The following SGSM1 variants were observed in gnomAD, a reference collection of about 807,000 sequenced individuals.
The protein encoded by SGSM1 is small G protein signaling modulator 1, also known as RUN and TBC1 domain containing 2.
Under a neutral mutation model 133.8 loss-of-function variants are expected in SGSM1, and 73 were observed. The observed-to-expected ratio is 0.55, with a 90% CI of 0.45 to 0.66. The LOEUF (loss-of-function observed/expected upper bound fraction) is 0.66, where lower values mean the gene tolerates loss of function less well. Ranked by LOEUF, SGSM1 falls within the 30% of genes least tolerant of loss-of-function variation. The pLI is 0.00. For synonymous variants in SGSM1, 563 were observed against 573.0 expected (o/e 0.98, Z 0.25); for missense variants, 1,213 against 1,448.1 (o/e 0.84, Z 2.64).
chr22:24,878,748 A>G (rs1932162932), intron 13 of SGSM1, among the ~76,000 whole-genome samples: 1 of 152,168 alleles, frequency 6.6e-6, no homozygotes, highest in African/African-American at 2.4e-5. Flanking sequence ...TTGAGGCATC[A>G]CCTACTTAGC....
In SGSM1 at chr22:24,901,846, A is replaced by G; in HGVS notation, c.2624A>G (p.Asp875Gly). The G allele has an allele frequency of 6.2e-7, 1 of 1,613,016 alleles. No individual in the cohort carries two copies. The highest frequency in any genetic ancestry group is 8.5e-7 in the Non-Finnish European group (1 of 1,179,590). Reference sequence around the variant, plus strand: ...GATGGCCTATAGCCAGAGCTGCTGGATCTGTACACGGTGAACCTGCACCGC... The same window carrying G: ...GATGGCCTATAGCCAGAGCTGCTGGGTCTGTACACGGTGAACCTGCACCGC... Reference protein sequence around the residue: ...SGVTYSPELLDLYTVNLHRIE... With the variant: ...SGVTYSPELLGLYTVNLHRIE... Residue 875 changes from aspartate (D) to glycine (G), a missense_variant, in exon 20 of 25, where the codon GAT becomes GGT. Coordinates refer to ENST00000400358, the MANE Select transcript of SGSM1 (RefSeq NM_001098497.3).
chr22:24,903,969 T>A (rs1933262158), intron 20 of SGSM1, among the ~76,000 whole-genome samples: 2 of 115,068 alleles, frequency 1.7e-5, no homozygotes, highest in African/African-American at 3.7e-5. Context: ...CAAAACTCTG[T>A]CTCAACAAAA....
intron 20 of SGSM1, 38 bp from the exon 21 acceptor site, chr22:24,905,067 C>A: frequency 1.3e-6 from 2 of 1,589,378 alleles, no homozygotes; most frequent in Non-Finnish European, 1.7e-6. Context: ...GAGAGGCAGG[C>A]CACGGCTGCC....
chr22:24,924,302 C>G lies in SGSM1; in HGVS notation c.*28C>G, dbSNP rs1258089305. 1 of 1,589,542 alleles carries G rather than the reference C, an allele frequency of 6.3e-7. No homozygotes were observed. Among genetic ancestry groups the G allele is most frequent in the East Asian group, 2.2e-5 (1 of 44,730 alleles). ...GGCACCTCACCCCGGCAGCCTCAGC[C>G]AAGCTGCCCCTGCCCCGCTCCTCTG... On this transcript the variant is annotated 3_prime_UTR_variant, in exon 25 of 25. Transcript: ENST00000400358.
At chr22:24,880,930 C>T (rs1381178724) in intron 14 of SGSM1, among the ~76,000 whole-genome samples, 1 of 152,198 alleles carries the variant, frequency 6.6e-6, no homozygotes, top group Non-Finnish European at 1.5e-5. Context: ...GTGGCTTGCG[C>T]CTATAATCCC....
intron 23 of SGSM1, among the ~76,000 whole-genome samples, chr22:24,918,929 C>G (rs1193185758): frequency 1.3e-5 from 2 of 151,596 alleles, no homozygotes; most frequent in African/African-American, 2.4e-5. Flanking sequence ...TTAGTAGAGG[C>G]AGGTTTCACC....
intron 2 of SGSM1, among the ~76,000 whole-genome samples, chr22:24,808,115 GTTTT>G (rs532530317): frequency 1.5e-5 from 2 of 130,946 alleles, no homozygotes; most frequent in African/African-American, 6.0e-5. Context: ...TTTTCTTGGT[GTTTT>G]TTTTTTTTTT....
intron 2 of SGSM1, among the ~76,000 whole-genome samples, chr22:24,837,590 C>CTG (rs1555922725): frequency 2.9e-5 from 4 of 137,004 alleles, no homozygotes; most frequent in African/African-American, 9.3e-5. Context: ...CCCCCCCCCC[C>CTG]CTTTCCCAGT....
chr22:24,831,570 G>A (rs1044345303), intron 2 of SGSM1, among the ~76,000 whole-genome samples: 9 of 152,162 alleles, frequency 5.9e-5, no homozygotes, highest in East Asian at 3.9e-4. Context: ...AAATTTGGCC[G>A]AGGAGCCTGG....
rs1329283911 is a variant in SGSM1 at position 24,926,341 on chromosome 22, A to ACC, written c.*2071_*2072dup. 1 of 151,278 alleles carries ACC rather than the reference A, an allele frequency of 6.6e-6. No homozygotes were observed. Among genetic ancestry groups the ACC allele is most frequent in the Admixed American group, 6.6e-5 (1 of 15,138 alleles). 9.4% of individuals were successfully genotyped at this position (151,278 alleles called of 1,614,324 possible). ...CTTCCCGGCTCCCAGCTCCTACCCT[A>ACC]CCCCCACCAAAGCAGAAACGGGAGA... On this transcript the variant is annotated 3_prime_UTR_variant, in exon 25 of 25. Transcript: ENST00000400358.
chr22:24,922,698 G>A lies in SGSM1; in HGVS notation c.3194-1488G>A, dbSNP rs184118516. On this transcript the variant is annotated intron_variant, in intron 24 of 24. Coordinates refer to ENST00000400358, the MANE Select transcript of SGSM1 (RefSeq NM_001098497.3). Reference sequence around the variant, plus strand: ...TCACCATGTTAGCCAGGATGGTCTCGATCTCCTGACCTCATGATCCACCCG... The same window carrying A: ...TCACCATGTTAGCCAGGATGGTCTCAATCTCCTGACCTCATGATCCACCCG... Among the ~76,000 whole-genome samples, 467 of 151,818 alleles carry A rather than the reference G, an allele frequency of 3.1e-3. 2 individuals are homozygous for A. The highest frequency in any genetic ancestry group is 0.011 in the African/African-American group (441 of 41,400).
chr22:24,884,262 T>C (rs755026271), intron 15 of SGSM1, 64 bp downstream of exon 15: 65 of 1,539,562 alleles, frequency 4.2e-5, no homozygotes, highest in Non-Finnish European at 5.1e-5. Flanking sequence ...TCTTATTATC[T>C]GAGAAATAAG....
At chr22:24,878,058 A>G (rs9917614) in intron 13 of SGSM1, among the ~76,000 whole-genome samples, 12,506 of 151,820 alleles carry the variant, frequency 0.082, 1,125 homozygotes, top group African/African-American at 0.23. Flanking sequence ...TGATCCGCCC[A>G]CCTTGGCCTC....
At chr22:24,895,124 G>C in intron 17 of SGSM1, 99 bp from the exon 18 acceptor site, 1 of 1,176,228 alleles carries the variant, frequency 8.5e-7, no homozygotes, top group Non-Finnish European at 1.2e-6. Context: ...TAGGAATAGA[G>C]ATGCAACTAG....
intron 14 of SGSM1, among the ~76,000 whole-genome samples, chr22:24,882,887 TTTC>T (rs1341125992): frequency 6.8e-6 from 1 of 148,046 alleles, no homozygotes; most frequent in Non-Finnish European, 1.5e-5. Context: ...TATACCACGG[TTTC>T]TTTTTTTTTT....
chr22:24,847,662 G>C lies in SGSM1; in HGVS notation c.168G>C (p.Gly56=). 1.9e-6 allele frequency: 3 copies of C among 1,613,704 alleles called. No individual in the cohort carries two copies. The highest frequency in any genetic ancestry group is 2.5e-6 in the Non-Finnish European group (3 of 1,179,844). ...CTGTGGAGGCCTGCGTTCTGCACGGGCTTCGGCGGCGGGCGGCTGGCTTCC... is the reference window on the plus strand; with the variant it reads ...CTGTGGAGGCCTGCGTTCTGCACGGCCTTCGGCGGCGGGCGGCTGGCTTCC... ...CAAVEACVLH[G]LRRRAAGFLR... Residue 56 remains glycine, a synonymous_variant, in exon 4 of 25, where the codon GGG becomes GGC. Transcript: ENST00000400358.
chr22:24,856,134 C>T, intron 8 of SGSM1: 1 of 349,706 alleles, frequency 2.9e-6, no homozygotes, highest in Non-Finnish European at 5.7e-6. Flanking sequence ...TCTGTTCGCT[C>T]TTGTTCTCAC....
At position 24,898,437 on chromosome 22, in the gene SGSM1, A is replaced by G. The variant is rs745861489; in HGVS notation, c.2488A>G (p.Ser830Gly). The change falls in exon 19 of 25, where the codon AGT (serine) becomes GGT (glycine). Residue 830 changes from serine to glycine, a missense_variant. Coordinates refer to ENST00000400358, the MANE Select transcript of SGSM1 (RefSeq NM_001098497.3). ...GACAGAGAAACATGGCCAGGCGGAC[A>G]GTGAGGACAACCTCTCGGAGGAGCC... The part of the protein sequence containing the change: ...SETEKHGQAD[S>G]EDNLSEEPEM... 3.7e-6 allele frequency: 6 copies of G among 1,613,782 alleles called. No homozygotes were observed. The African/African-American group carries it at 4.0e-5, about 11-fold the overall frequency.
rs753644894 is a variant in SGSM1 at position 24,868,768 on chromosome 22, G to T, written c.1204G>T (p.Ala402Ser). ...GCGCAAGCGAAGCCCTCAGGGTTCT[G>T]CCGAGTCCACATCTTCAGACAAAGA... ...KLRKRSPQGS[A>S]ESTSSDKDDD... The change falls in exon 12 of 25, where the codon GCC (alanine) becomes TCC (serine). Residue 402 changes from alanine (A) to serine (S), a missense_variant. Transcript: ENST00000400358. 1.2e-5 allele frequency: 19 copies of T among 1,614,038 alleles called. No individual in the cohort carries two copies. Among genetic ancestry groups the T allele is most frequent in the Middle Eastern group, 3.3e-4 (2 of 6,060 alleles).
Sources: allele counts gnomAD v4.1 joint callset (sites outside exome capture counted in the v4.1 genomes callset), GRCh38; gene constraint gnomAD v4.1.1; transcripts MANE v1.5; gene names NCBI Gene and HGNC (gene_info 2026-07-23, HGNC 2026-07-21).